Variants in MDGA2 observed in about 807,000 individuals in gnomAD.
The protein encoded by MDGA2 is MAM domain-containing glycosylphosphatidylinositol anchor protein 2.
In MDGA2, 40 loss-of-function variants were observed where a neutral mutation model predicts 117.8. The observed-to-expected ratio is 0.34, with a 90% confidence interval of 0.26 to 0.44. MDGA2 has a LOEUF of 0.44. Among genes scored for constraint, MDGA2 ranks in the 20% least tolerant of loss-of-function variants. The pLI is 1.00. For missense variants in MDGA2, 1,123 were observed against 1,250.6 expected (o/e 0.90, Z 1.54); for synonymous variants, 452 against 439.0 (o/e 1.03, Z -0.37).
At chr14:47,124,242 A>AG (rs996317157) in intron 5 of MDGA2, among the ~76,000 whole-genome samples, 1 of 152,126 alleles carries the variant, frequency 6.6e-6, no homozygotes, top group Non-Finnish European at 1.5e-5. Context: ...ATAATGCACA[A>AG]GTTCACTGAC....
intron 1 of MDGA2, among the ~76,000 whole-genome samples, chr14:47,534,638 TC>T (rs952857075): frequency 3.3e-5 from 5 of 151,754 alleles, no homozygotes; most frequent in African/African-American, 4.8e-5. Context: ...TCCCACCAAG[TC>T]CCCCCCTCCA....
chr14:47,020,739 A>G (rs992433119), intron 8 of MDGA2, among the ~76,000 whole-genome samples: 45 of 152,190 alleles, frequency 3.0e-4, no homozygotes, highest in African/African-American at 1.0e-3. Flanking sequence ...GTTGCCAAAG[A>G]TCAAAATGGT....
At chr14:47,289,722 G>C (rs183461518) in intron 2 of MDGA2, among the ~76,000 whole-genome samples, 9 of 151,880 alleles carry the variant, frequency 5.9e-5, no homozygotes, top group Non-Finnish European at 1.0e-4. Flanking sequence ...TTCTTGAAAC[G>C]CCCTGATAAT....
intron 1 of MDGA2, among the ~76,000 whole-genome samples, chr14:47,367,961 C>A (rs1159298057): frequency 2.0e-5 from 3 of 151,892 alleles, no homozygotes; most frequent in African/African-American, 7.3e-5. Context: ...AGTAAAGTAC[C>A]CTATGTTAGC....
At chr14:47,107,226 G>C (rs1880753178) in intron 5 of MDGA2, among the ~76,000 whole-genome samples, 1 of 151,976 alleles carries the variant, frequency 6.6e-6, no homozygotes, top group African/African-American at 2.4e-5. Flanking sequence ...TCACTCACCT[G>C]CTACAGCATG....
At position 47,507,541 on chromosome 14, in the gene MDGA2, G is replaced by A. The variant is rs1250006236; in HGVS notation, c.280+166976C>T. On this transcript the variant is annotated intron_variant, in intron 1 of 16. Coordinates refer to ENST00000399232, the MANE Select transcript of MDGA2 (RefSeq NM_001113498.3). ...CATGTTTGATCCTAACTAAAAAAGA[G>A]CTGATAAACCTCTCACTTTTAGTCC... Among the ~76,000 whole-genome samples the A allele has an allele frequency of 6.6e-5, 10 of 152,154 alleles. No individual in the cohort carries two copies. In the South Asian group the frequency reaches 2.1e-3, roughly 31 times the overall value.
chr14:47,428,567 C>T (rs1244621634), intron 1 of MDGA2, among the ~76,000 whole-genome samples: 1 of 152,056 alleles, frequency 6.6e-6, no homozygotes, highest in African/African-American at 2.4e-5. Flanking sequence ...GAGTTCAGAA[C>T]TCTCTCTACA....
At chr14:47,129,451 A>G (rs1882082508) in intron 5 of MDGA2, among the ~76,000 whole-genome samples, 1 of 151,812 alleles carries the variant, frequency 6.6e-6, no homozygotes, top group South Asian at 2.1e-4. Context: ...ATAGTATTCC[A>G]TGGTGTATAT....
At chr14:47,538,284 A>T (rs767679302) in intron 1 of MDGA2, among the ~76,000 whole-genome samples, 3 of 152,212 alleles carry the variant, frequency 2.0e-5, no homozygotes, top group Non-Finnish European at 4.4e-5. Flanking sequence ...TAAATAATTG[A>T]CATGAGCTTT....
At chr14:46,977,050 T>C (rs945750722) in intron 8 of MDGA2, among the ~76,000 whole-genome samples, 25 of 151,896 alleles carry the variant, frequency 1.6e-4, no homozygotes, top group African/African-American at 6.0e-4. Flanking sequence ...GAGACCAAAT[T>C]CTCAATTCTT....
At chr14:47,392,334 G>A (rs978830430) in intron 1 of MDGA2, among the ~76,000 whole-genome samples, 3 of 151,954 alleles carry the variant, frequency 2.0e-5, no homozygotes, top group East Asian at 1.9e-4. Flanking sequence ...GAAAACTGTC[G>A]CCATAGTACA....
intron 14 of MDGA2, among the ~76,000 whole-genome samples, chr14:46,863,230 T>A (rs1040355162): frequency 2.0e-5 from 3 of 152,100 alleles, no homozygotes; most frequent in Non-Finnish European, 4.4e-5. Flanking sequence ...GACACTTTTA[T>A]TTTAATGTAC....
chr14:46,992,142 C>T (rs1333243929), intron 8 of MDGA2, among the ~76,000 whole-genome samples: 2 of 152,128 alleles, frequency 1.3e-5, no homozygotes, highest in African/African-American at 4.8e-5. Flanking sequence ...AATAAAACTG[C>T]TTCCACTGAC....
At chr14:47,401,039 G>A (rs1382944859) in intron 1 of MDGA2, among the ~76,000 whole-genome samples, 1 of 151,322 alleles carries the variant, frequency 6.6e-6, no homozygotes, top group Admixed American at 6.6e-5. Context: ...TTACAGGCGT[G>A]AGCCACCGTG....
intron 2 of MDGA2, among the ~76,000 whole-genome samples, chr14:47,290,213 G>A (rs756136584): frequency 2.0e-5 from 3 of 151,960 alleles, no homozygotes; most frequent in Admixed American, 6.6e-5. Flanking sequence ...ATTAGTAGAC[G>A]GGGCCTATGG....
intron 1 of MDGA2, among the ~76,000 whole-genome samples, chr14:47,666,748 C>T (rs188936177): frequency 7.2e-4 from 110 of 152,252 alleles, no homozygotes; most frequent in African/African-American, 2.5e-3. Flanking sequence ...TTCTTTCACT[C>T]TTTGCAATAA....
chr14:47,005,644 G>A (rs1025161341), intron 8 of MDGA2, among the ~76,000 whole-genome samples: 1 of 151,340 alleles, frequency 6.6e-6, no homozygotes, highest in Non-Finnish European at 1.5e-5. Context: ...GATTTGGGAA[G>A]TACTCTCTAC....
At chr14:47,135,243 C>G (rs781510034) in intron 4 of MDGA2, among the ~76,000 whole-genome samples, 9 of 152,000 alleles carry the variant, frequency 5.9e-5, no homozygotes, top group Non-Finnish European at 7.4e-5. Flanking sequence ...TTAGTCATTT[C>G]TTGGTTGTTT....
At chr14:47,348,015 G>C (rs1419202305) in intron 1 of MDGA2, among the ~76,000 whole-genome samples, 2 of 152,096 alleles carry the variant, frequency 1.3e-5, no homozygotes, top group African/African-American at 4.8e-5. Flanking sequence ...ACTGAATTCA[G>C]AGATGAGAAA....
Sources: allele counts gnomAD v4.1 joint callset (sites outside exome capture counted in the v4.1 genomes callset), GRCh38; gene constraint gnomAD v4.1.1; transcripts MANE v1.5; gene names NCBI Gene and HGNC (gene_info 2026-07-23, HGNC 2026-07-21).